CEP112: variants seen among roughly 807,000 people sequenced by gnomAD.
CEP112 encodes the protein centrosomal protein of 112 kDa.
A neutral mutation model predicts 153.0 loss-of-function variants in CEP112; 127 were observed. That is an observed-to-expected ratio of 0.83 (90% CI 0.72 to 0.96). CEP112 has a LOEUF of 0.96. Ranked by LOEUF, CEP112 falls within the 40% of genes least tolerant of loss-of-function variation. The pLI, the probability that CEP112 is intolerant of heterozygous loss-of-function variation, is 0.00. For missense variants in CEP112, 1,089 were observed against 1,101.2 expected, an observed-to-expected ratio of 0.99 and a Z score of 0.16; for synonymous variants, 358 against 374.4, an observed-to-expected ratio of 0.96 and a Z score of 0.51.
chr17:65,925,158 G>A (rs1046860721), intron 19 of CEP112, among the ~76,000 whole-genome samples: 3 of 152,170 alleles, frequency 2.0e-5, no homozygotes, highest in Non-Finnish European at 4.4e-5. Context: ...CTATACTCAT[G>A]GTAGTAAATA....
intron 12 of CEP112, among the ~76,000 whole-genome samples, chr17:66,030,366 C>T (rs1435792436): frequency 3.3e-5 from 5 of 152,134 alleles, no homozygotes; most frequent in African/African-American, 7.2e-5. Context: ...CCTCTTTATA[C>T]GTACGGCCAT....
At chr17:66,163,200 T>C (rs1352144318) in intron 4 of CEP112, among the ~76,000 whole-genome samples, 1 of 152,160 alleles carries the variant, frequency 6.6e-6, no homozygotes, top group Non-Finnish European at 1.5e-5. Context: ...GCTTATCTTC[T>C]AGTGGCTCTT....
At chr17:65,766,727 A>G (rs1036759644) in intron 21 of CEP112, among the ~76,000 whole-genome samples, 3 of 151,824 alleles carry the variant, frequency 2.0e-5, no homozygotes, top group African/African-American at 4.8e-5. Context: ...AAAAGAGAGA[A>G]CAGAAGTGGC....
chr17:65,935,393 G>A (rs1472997195), intron 18 of CEP112, among the ~76,000 whole-genome samples: 1 of 152,114 alleles, frequency 6.6e-6, no homozygotes, highest in African/African-American at 2.4e-5. Context: ...GGAAACATCA[G>A]ACTTAAACTA....
intron 21 of CEP112, among the ~76,000 whole-genome samples, chr17:65,838,451 C>G (rs1422016649): frequency 2.0e-5 from 3 of 151,850 alleles, no homozygotes; most frequent in African/African-American, 4.8e-5. Flanking sequence ...TTTCTTGAGA[C>G]AAATGAAAAT....
intron 20 of CEP112, among the ~76,000 whole-genome samples, chr17:65,898,797 A>T (rs549700324): frequency 6.6e-6 from 1 of 152,280 alleles, no homozygotes; most frequent in East Asian, 1.9e-4. Flanking sequence ...CTACTGCAAC[A>T]GGTCACAGAG....
intron 24 of CEP112, among the ~76,000 whole-genome samples, chr17:65,672,633 A>G (rs2047041826): frequency 6.6e-6 from 1 of 152,172 alleles, no homozygotes; most frequent in South Asian, 2.1e-4. Context: ...ACTGAGGCAA[A>G]TCAAGCAAGT....
chr17:65,853,344 T>C (rs569227283), intron 20 of CEP112, among the ~76,000 whole-genome samples: 29 of 152,278 alleles, frequency 1.9e-4, no homozygotes, highest in African/African-American at 6.5e-4. Context: ...TGTGTCTCTG[T>C]GGTGCTGTAT....
intron 18 of CEP112, among the ~76,000 whole-genome samples, chr17:65,934,598 A>G (rs1173487372): frequency 6.6e-6 from 1 of 152,252 alleles, no homozygotes. Flanking sequence ...ACATAAAGTA[A>G]CTGGATAAAT....
intron 17 of CEP112, among the ~76,000 whole-genome samples, chr17:66,001,918 T>C (rs1019109301): frequency 2.0e-5 from 3 of 152,216 alleles, no homozygotes; most frequent in Non-Finnish European, 2.9e-5. Context: ...AAGTTTCAGA[T>C]AACTTTCCAT....
In CEP112 at chr17:65,833,236, CCCA is replaced by C. The variant is rs367768041; in HGVS notation, c.2394+18565_2394+18567del. 1.6e-3 allele frequency among the ~76,000 whole-genome samples: 240 copies of C among 152,246 alleles called. 1 individual carries two copies. The highest frequency in any genetic ancestry group is 5.5e-3 in the African/African-American group (230 of 41,526). ...AATAATAAGAGCCATCTATAACAAA[CCCA>C]CCACCAATATTATGCTGAATGGGTA... On this transcript the variant is annotated intron_variant, in intron 21 of 26. Transcript: ENST00000535342.
chr17:65,766,590 T>C (rs2052990977), intron 21 of CEP112, among the ~76,000 whole-genome samples: 1 of 152,060 alleles, frequency 6.6e-6, no homozygotes, highest in South Asian at 2.1e-4. Flanking sequence ...ACAGAGTAGT[T>C]CAATGAACAA....
At chr17:66,085,555 A>G (rs1459850441) in intron 8 of CEP112, among the ~76,000 whole-genome samples, 1 of 152,254 alleles carries the variant, frequency 6.6e-6, no homozygotes, top group East Asian at 1.9e-4. Flanking sequence ...AACAGCCTAC[A>G]TGCATCAATA....
At chr17:65,751,217 A>C (rs115623879) in intron 21 of CEP112, 1 of 152,760 alleles carries the variant, frequency 6.5e-6, no homozygotes, top group Non-Finnish European at 1.5e-5. Context: ...TGCCAAATAC[A>C]TAAGAGCTAA....
At chr17:65,959,172 C>T (rs779073565) in intron 18 of CEP112, among the ~76,000 whole-genome samples, 5 of 152,126 alleles carry the variant, frequency 3.3e-5, no homozygotes, top group African/African-American at 4.8e-5. Flanking sequence ...AGAGGAGGAC[C>T]TGCCTACAGA....
chr17:66,062,533 C>T (rs2066964146), intron 11 of CEP112, among the ~76,000 whole-genome samples: 1 of 151,924 alleles, frequency 6.6e-6, no homozygotes, highest in African/African-American at 2.4e-5. Flanking sequence ...AAAATCATTA[C>T]ATGTCAATCA....
At chr17:66,026,682 TTTTATAAAATGGTGTAGTATTTGCA>T (rs2065225450) in intron 16 of CEP112, among the ~76,000 whole-genome samples, 1 of 152,170 alleles carries the variant, frequency 6.6e-6, no homozygotes, top group Non-Finnish European at 1.5e-5. Context: ...CTCAAGTCCC[TTTTATAAAATGGTGTAGTATTTGCA>T]TATAACCTAC....
At chr17:66,160,494 T>C (rs1049485634) in intron 4 of CEP112, among the ~76,000 whole-genome samples, 1 of 151,892 alleles carries the variant, frequency 6.6e-6, no homozygotes, top group African/African-American at 2.4e-5. Flanking sequence ...CCAAAACAGA[T>C]ATATAAACCA....
chr17:65,761,385 G>C (rs2145391993), intron 21 of CEP112, among the ~76,000 whole-genome samples: 1 of 152,110 alleles, frequency 6.6e-6, no homozygotes, highest in Middle Eastern at 3.4e-3. Context: ...TAGGATTACA[G>C]GTACATGACA....
Sources: gnomAD v4.1 joint callset for allele counts (sites outside exome capture counted in the v4.1 genomes callset) on GRCh38, gnomAD v4.1.1 for gene constraint, MANE v1.5 for transcripts, NCBI Gene and HGNC (gene_info 2026-07-23, HGNC 2026-07-21) for gene names.